ZNF665: variants seen among roughly 807,000 people sequenced by gnomAD.
ZNF665 encodes zinc finger protein 665.
ZNF665 carries 6 observed loss-of-function variants against 7.9 expected under a neutral mutation model. That is an observed-to-expected ratio of 0.76 (90% CI 0.42 to 1.50). The LOEUF is 1.50. Among genes scored for constraint, ZNF665 ranks in the 40% most tolerant of loss-of-function variants. The pLI is 0.01. For missense variants in ZNF665, 819 were observed against 806.7 expected (o/e 1.02, Z -0.18); for synonymous variants, 242 against 274.5 (o/e 0.88, Z 1.17).
chr19:53,176,292 GT>G (rs2090697767), intron 2 of ZNF665, among the ~76,000 whole-genome samples: 1 of 152,148 alleles, frequency 6.6e-6, no homozygotes, highest in Admixed American at 6.6e-5. Context: ...AATGTAAACA[GT>G]TATGCCTATG....
chr19:53,172,543 A>C (rs533892536), intron 3 of ZNF665, among the ~76,000 whole-genome samples: 17 of 151,862 alleles, frequency 1.1e-4, no homozygotes, highest in Non-Finnish European at 2.9e-5. Flanking sequence ...TTCCTTCAAG[A>C]ACTGTATATT....
rs140482885 is a variant in ZNF665, at chr19:53,171,504, G to GTGTATATATATATATA, written c.142+3940_142+3941insTATATATATATATACA. On this transcript the variant is annotated intron_variant, in intron 3 of 3. Coordinates refer to ENST00000396424, the MANE Select transcript of ZNF665 (RefSeq NM_024733.5). ...TCTTTACATTTGTGTGTGTGTGTGTGTATATATATATATATATATATTTTT... is the reference window on the plus strand; with the variant it reads ...TCTTTACATTTGTGTGTGTGTGTGTGTGTATATATATATATATATATATATATATATATATATTTTT... 6.9e-4 allele frequency among the ~76,000 whole-genome samples: 40 copies of GTGTATATATATATATA among 57,746 alleles called. 1 individual carries two copies. The highest frequency in any genetic ancestry group is 2.2e-3 in the African/African-American group (40 of 18,368). The allele number at this position is 57,746 out of a possible 152,430, so 37.9% of individuals were successfully genotyped here.
intron 2 of ZNF665, among the ~76,000 whole-genome samples, chr19:53,176,135 T>C (rs1289685288): frequency 6.6e-6 from 1 of 152,148 alleles, no homozygotes; most frequent in African/African-American, 2.4e-5. Flanking sequence ...CACTGCAGCC[T>C]GGGTGACAGA....
chr19:53,173,711 T>C (rs2090676004), intron 3 of ZNF665, among the ~76,000 whole-genome samples: 1 of 152,110 alleles, frequency 6.6e-6, no homozygotes, highest in Non-Finnish European at 1.5e-5. Context: ...GGTTGATGTG[T>C]CTATTTTTAA....
intron 2 of ZNF665, among the ~76,000 whole-genome samples, chr19:53,176,044 C>T (rs1291474697): frequency 1.3e-5 from 2 of 152,064 alleles, no homozygotes; most frequent in African/African-American, 4.8e-5. Context: ...ACCTGCAATC[C>T]CAGCTACTCA....
chr19:53,168,104 A>G (rs1403070113), intron 3 of ZNF665, among the ~76,000 whole-genome samples: 2 of 146,748 alleles, frequency 1.4e-5, no homozygotes, highest in Non-Finnish European at 3.0e-5. Context: ...AGAAAAGAGG[A>G]GTTCTACTTC....
In ZNF665 at chr19:53,165,364, A is replaced by C. The variant is rs940192426; in HGVS notation, c.1126T>G (p.Cys376Gly). 2 of 1,614,050 alleles carry C rather than the reference A, an allele frequency of 1.2e-6. No individual in the cohort carries two copies. Among genetic ancestry groups the C allele is most frequent in the East Asian group, 2.2e-5 (1 of 44,890 alleles). ...CTGAAGGCTTTCCCACACTCATTAC[A>C]CTTGTAAGGTTTCTCACCAGTATGA... The part of the protein sequence containing the change: ...RIHTGEKPYK[C>G]NECGKAFSMH... Residue 376 changes from cysteine to glycine, a missense_variant, in exon 4 of 4, where the codon TGT (cysteine) becomes GGT (glycine). Coordinates refer to ENST00000396424, the MANE Select transcript of ZNF665 (RefSeq NM_024733.5).
At position 53,164,920 on chromosome 19, in the gene ZNF665, T is replaced by A; in HGVS notation, c.1570A>T (p.Ser524Cys). 1 of 1,614,216 alleles carries A rather than the reference T, an allele frequency of 6.2e-7. No individual in the cohort carries two copies. Among genetic ancestry groups the A allele is most frequent in the South Asian group, 1.1e-5 (1 of 91,082 alleles). ...YKCNECGKAF[S>C]VHSSLTIHQT... is the part of the protein sequence containing the mutation. ...TGTATAGTTAGGCTTGAATGAACAC[T>A]AAAGGCTTTGCCACACTCATTACAC... is the stretch of plus-strand genomic sequence containing the variant. The change falls in exon 4 of 4, where the codon AGT becomes TGT. Residue 524 changes from serine to cysteine, a missense_variant. Transcript: ENST00000396424.
chr19:53,169,507 A>T (rs183515350), intron 3 of ZNF665, among the ~76,000 whole-genome samples: 4,890 of 152,068 alleles, frequency 0.032, 245 homozygotes, highest in African/African-American at 0.11. Context: ...TTTAAAAAAA[A>T]TTTTTTTAAT....
chr19:53,173,531 T>C (rs1022403334), intron 3 of ZNF665, among the ~76,000 whole-genome samples: 2 of 151,064 alleles, frequency 1.3e-5, no homozygotes, highest in Non-Finnish European at 3.0e-5. Flanking sequence ...TGCACCACCA[T>C]GCCTGGCTAA....
At chr19:53,190,911 G>A (rs768668187) in intron 1 of ZNF665, among the ~76,000 whole-genome samples, 1 of 139,480 alleles carries the variant, frequency 7.2e-6, no homozygotes, top group South Asian at 2.1e-4. Flanking sequence ...TCCAGCCTGG[G>A]TGACAGAGCA....
chr19:53,169,936 T>C (rs1293408883), intron 3 of ZNF665, among the ~76,000 whole-genome samples: 17 of 143,676 alleles, frequency 1.2e-4, no homozygotes, highest in African/African-American at 4.5e-4. Flanking sequence ...TCTATCATTG[T>C]TGGACATTTG....
At position 53,172,794 on chromosome 19, in the gene ZNF665, C is replaced by T. The variant is rs531773418; in HGVS notation, c.142+2651G>A. ...GAGCCAAGATCACGCCACTGCACTC[C>T]AGCCTGGGTGACAGAGCGAGATTCT... is the stretch of plus-strand genomic sequence containing the variant. On this transcript the variant is annotated intron_variant, in intron 3 of 3. Transcript: ENST00000396424. 2.3e-4 allele frequency among the ~76,000 whole-genome samples: 33 copies of T among 141,562 alleles called. 1 individual carries two copies. In the East Asian group the frequency reaches 5.0e-3, roughly 21 times the overall value. The allele number at this position is 141,562 out of a possible 152,430, so 92.9% of individuals were successfully genotyped here.
At chr19:53,192,163 C>CCA (rs61573947) in intron 1 of ZNF665, among the ~76,000 whole-genome samples, 5,705 of 152,080 alleles carry the variant, frequency 0.038, 332 homozygotes, top group African/African-American at 0.12. Context: ...CTCTTTCACC[C>CCA]GTCTTTTGGT....
chr19:53,169,310 T>G (rs2146845022), intron 3 of ZNF665, among the ~76,000 whole-genome samples: 1 of 152,094 alleles, frequency 6.6e-6, no homozygotes, highest in East Asian at 1.9e-4. Flanking sequence ...ATAAGCACAT[T>G]AAAAGATATT....
chr19:53,171,524 A>ATTTTTTTTTTTTT (rs1215685651), intron 3 of ZNF665, among the ~76,000 whole-genome samples: 6 of 69,316 alleles, frequency 8.7e-5, no homozygotes, highest in Admixed American at 2.2e-4. Flanking sequence ...ATATATATAT[A>ATTTTTTTTTTTTT]TTTTTTTTTT....
In ZNF665 at chr19:53,179,201, G is replaced by A. The variant is rs192962118; in HGVS notation, c.16-3630C>T. On this transcript the variant is annotated intron_variant, in intron 2 of 3. Coordinates refer to ENST00000396424, the MANE Select transcript of ZNF665 (RefSeq NM_024733.5). The stretch of plus-strand genomic sequence containing the variant: ...ATCCTGGCTAACACGGTGAAACCCC[G>A]TCTCTACTAAAAATACAAAAATAAA... 1.4e-3 allele frequency among the ~76,000 whole-genome samples: 209 copies of A among 151,908 alleles called. 2 individuals carry two copies. The highest frequency in any genetic ancestry group is 4.5e-3 in the African/African-American group (188 of 41,462).
chr19:53,191,869 G>A (rs1316051742), intron 1 of ZNF665: 1 of 152,094 alleles, frequency 6.6e-6, no homozygotes, highest in East Asian at 1.9e-4. Flanking sequence ...GTTAGATTAT[G>A]GATACAGAAA....
At chr19:53,175,387 G>A (rs2090688989) in intron 3 of ZNF665, 58 bp downstream of exon 3, 2 of 1,576,694 alleles carry the variant, frequency 1.3e-6, no homozygotes, top group Admixed American at 3.9e-5. Context: ...GACTCACAAG[G>A]GAAAATGAAA....
Sources: gnomAD v4.1 joint callset for allele counts (sites outside exome capture counted in the v4.1 genomes callset) on GRCh38, gnomAD v4.1.1 for gene constraint, MANE v1.5 for transcripts, NCBI Gene and HGNC (gene_info 2026-07-23, HGNC 2026-07-21) for gene names.